The following CACFD1 variants were observed in gnomAD, a reference collection of about 807,000 sequenced individuals.
The protein encoded by CACFD1 is calcium channel flower homolog.
In CACFD1, 26 loss-of-function variants were observed where a neutral mutation model predicts 21.3. The observed-to-expected ratio is 1.22, with a 90% CI of 0.89 to 1.69. CACFD1 has a LOEUF of 1.69. Among genes scored for constraint, CACFD1 ranks in the 40% most tolerant of loss-of-function variants. The probability of loss-of-function intolerance (pLI) is 0.00; values close to 1 mark genes in which losing one functional copy is unlikely to be tolerated. For synonymous variants in CACFD1, 121 were observed against 106.6 expected (o/e 1.13, Z -0.83); for missense variants, 265 against 236.2 (o/e 1.12, Z -0.80).
At position 133,468,240 on chromosome 9, in the gene CACFD1, G is replaced by A. The variant is rs972457151; in HGVS notation, c.428+212G>A. ...GCGTGGCCCAGTCTTGCCCCGTCACGGCCTGCAGCAAGGATAGCAAAAACA... is the reference window on the plus strand; with the variant it reads ...GCGTGGCCCAGTCTTGCCCCGTCACAGCCTGCAGCAAGGATAGCAAAAACA... On this transcript the variant is annotated intron_variant, in intron 4 of 4. Transcript: ENST00000316948. The A allele has an allele frequency of 4.3e-5, 60 of 1,397,402 alleles. No individual in the cohort carries two copies. In the African/African-American group the frequency reaches 4.5e-4, roughly 10 times the overall value. 86.6% of individuals were successfully genotyped at this position (1,397,402 alleles called of 1,614,324 possible).
At chr9:133,460,471 C>CGACGGG (rs781943009) in intron 1 of CACFD1, among the ~76,000 whole-genome samples, 1 of 125,818 alleles carries the variant, frequency 7.9e-6, no homozygotes, top group Non-Finnish European at 1.8e-5. Context: ...GGCGGGGGGG[C>CGACGGG]GGCGGGGGCG....
chr9:133,467,286 G>A (rs1481545197), intron 3 of CACFD1, among the ~76,000 whole-genome samples: 1 of 152,174 alleles, frequency 6.6e-6, no homozygotes, highest in Non-Finnish European at 1.5e-5. Context: ...CCCCGGGGAC[G>A]CTTAAGCCCC....
intron 1 of CACFD1, 116 bp downstream of exon 1, chr9:133,460,303 C>T (rs1554798092): frequency 5.1e-6 from 5 of 976,952 alleles, no homozygotes; most frequent in Admixed American, 8.6e-5. Flanking sequence ...GGTCGGGGGT[C>T]TGCCGGGCGC....
intron 1 of CACFD1, 35 bp from the exon 2 acceptor site, chr9:133,463,433 GGGCTCCGCCTGCCTC>G: frequency 6.2e-7 from 1 of 1,612,756 alleles, no homozygotes; most frequent in Non-Finnish European, 8.5e-7. Flanking sequence ...CCTTCCCAGC[GGGCTCCGCCTGCCTC>G]CCTGCTGACT....
In CACFD1 at chr9:133,468,756, T is replaced by C; in HGVS notation, c.*103T>C. ...GAGGCACAGCCTGGAGAGGGGCCTT[T>C]GCACGTGTCCCTACACCTGGAGTCC... On this transcript the variant is annotated 3_prime_UTR_variant, in exon 5 of 5. Coordinates refer to ENST00000316948, the MANE Select transcript of CACFD1 (RefSeq NM_017586.5). 6.9e-7 allele frequency: 1 copy of C among 1,446,958 alleles called. No homozygotes were observed. Among genetic ancestry groups the C allele is most frequent in the East Asian group, 2.5e-5 (1 of 40,010 alleles). The allele number at this position is 1,446,958 out of a possible 1,614,324, so 89.6% of individuals were successfully genotyped here.
At chr9:133,461,975 G>C in intron 1 of CACFD1, 2 of 985,384 alleles carry the variant, frequency 2.0e-6, no homozygotes, top group Non-Finnish European at 2.4e-6. Flanking sequence ...AGCATCTGGA[G>C]GTGATACCTT....
chr9:133,468,123 C>T, intron 4 of CACFD1, 95 bp downstream of exon 4: 1 of 1,130,272 alleles, frequency 8.8e-7, no homozygotes, highest in Non-Finnish European at 1.3e-6. Flanking sequence ...CCCCTTTTAG[C>T]TAGTGGAGAC....
At chr9:133,461,061 C>G (rs931244790) in intron 1 of CACFD1, among the ~76,000 whole-genome samples, 8 of 152,244 alleles carry the variant, frequency 5.3e-5, no homozygotes, top group Admixed American at 6.5e-5. Context: ...CCTGTCTGCC[C>G]TCAATCTTGT....
At chr9:133,468,327 C>T in intron 4 of CACFD1, 3 of 1,534,134 alleles carry the variant, frequency 2.0e-6, no homozygotes, top group Non-Finnish European at 2.6e-6. Context: ...AGTTGCCACC[C>T]TCTCTCCTGC....
chr9:133,463,355 G>A, intron 1 of CACFD1, 128 bp from the exon 2 acceptor site: 2 of 1,546,292 alleles, frequency 1.3e-6, no homozygotes, highest in Non-Finnish European at 1.7e-6. Flanking sequence ...AGGCTTCTGG[G>A]TGCTGTGAGA....
rs1554801070 is a variant in CACFD1 at position 133,470,688 on chromosome 9, T to G, written c.*2035T>G. The G allele has an allele frequency of 6.6e-6, 1 of 152,546 alleles. No homozygotes were observed. Among genetic ancestry groups the G allele is most frequent in the East Asian group, 1.9e-4 (1 of 5,198 alleles). The allele number at this position is 152,546 out of a possible 1,614,324, so 9.4% of individuals were successfully genotyped here. On this transcript the variant is annotated 3_prime_UTR_variant, in exon 5 of 5. Coordinates refer to ENST00000316948, the MANE Select transcript of CACFD1 (RefSeq NM_017586.5). Reference sequence around the variant, plus strand: ...GCTCCTGCCTGGTCTGGGCTGTGTGTGGCGCCCTTTCCTCCTTGTTTGTTC... The same window carrying G: ...GCTCCTGCCTGGTCTGGGCTGTGTGGGGCGCCCTTTCCTCCTTGTTTGTTC...
At chr9:133,467,447 C>G (rs936870293) in intron 3 of CACFD1, among the ~76,000 whole-genome samples, 2 of 152,354 alleles carry the variant, frequency 1.3e-5, no homozygotes, top group East Asian at 3.9e-4. Flanking sequence ...GCTGGTGTTA[C>G]TCTATAACTC....
At chr9:133,460,784 T>C (rs1554798347) in intron 1 of CACFD1, among the ~76,000 whole-genome samples, 2 of 152,138 alleles carry the variant, frequency 1.3e-5, no homozygotes. Context: ...GGCAGTGAGC[T>C]GAGGGCCCGG....
Position 133,469,148 on chromosome 9 carries a change from T to C in CACFD1, c.*495T>C, listed in dbSNP as rs1843570568. The C allele has an allele frequency of 6.2e-6, 1 of 162,532 alleles. No individual in the cohort carries two copies. Among genetic ancestry groups the C allele is most frequent in the Admixed American group, 6.2e-5 (1 of 16,012 alleles). The allele number at this position is 162,532 out of a possible 1,614,324, so 10.1% of individuals were successfully genotyped here. A position where few individuals can be genotyped will look rare whatever the true frequency, so the allele number is the denominator to read the frequency against. ...GCTGCCTAGGGTGCAGCGCCCACTGTCACCCTGCCTTCTGAAGAAGCCCAC... is the reference window on the plus strand; with the variant it reads ...GCTGCCTAGGGTGCAGCGCCCACTGCCACCCTGCCTTCTGAAGAAGCCCAC... On this transcript the variant is annotated 3_prime_UTR_variant, in exon 5 of 5. Transcript: ENST00000316948.
At chr9:133,461,377 A>G (rs1411140104) in intron 1 of CACFD1, among the ~76,000 whole-genome samples, 1 of 152,224 alleles carries the variant, frequency 6.6e-6, no homozygotes, top group Non-Finnish European at 1.5e-5. Flanking sequence ...AATCACAAAA[A>G]GGCCCCGAGT....
At position 133,460,071 on chromosome 9, in the gene CACFD1, G is replaced by A. The variant is rs376963405; in HGVS notation, c.5G>A (p.Ser2Asn). 6.3e-5 allele frequency: 99 copies of A among 1,562,002 alleles called. No individual in the cohort carries two copies. In the African/African-American group the frequency reaches 1.3e-3, roughly 20 times the overall value. Residue 2 changes from serine (S) to asparagine (N), a missense_variant, in exon 1 of 5, where the codon AGC (serine) becomes AAC (asparagine). Coordinates refer to ENST00000316948, the MANE Select transcript of CACFD1 (RefSeq NM_017586.5). MSSSGGAPGASA... is the reference protein window; with the variant it reads MNSSGGAPGASA... ...GCTGCGCCTGACGGTGGCACCATGA[G>A]CAGCTCAGGTGGGGCGCCCGGGGCG...
chr9:133,467,565 C>A (rs1221272612), intron 3 of CACFD1, among the ~76,000 whole-genome samples: 1 of 152,200 alleles, frequency 6.6e-6, no homozygotes, highest in Admixed American at 6.5e-5. Context: ...GTAACTTGCC[C>A]GCGAAGCTAG....
chr9:133,461,982 C>A, intron 1 of CACFD1: 1 of 985,318 alleles, frequency 1.0e-6, no homozygotes, highest in Non-Finnish European at 1.2e-6. Flanking sequence ...GGAGGTGATA[C>A]CTTGGGAGGG....
chr9:133,465,344 C>T lies in CACFD1; in HGVS notation c.217C>T (p.Leu73=). ...CAGCATGAATGCCTTCATCTTGTTG[C>T]TGTGTGAGGCGCCCTTCTGCTGCCA... ...WMIMNAFILL[L]CEAPFCCQFI... The change falls in exon 3 of 5, where the codon CTG becomes TTG. Residue 73 remains leucine (L), a synonymous_variant. Coordinates refer to ENST00000316948, the MANE Select transcript of CACFD1 (RefSeq NM_017586.5). This position sits in a 1 kb window ranked among gnomAD's most constrained non-coding sequence, Gnocchi z 5.0. 6.2e-7 allele frequency: 1 copy of T among 1,614,058 alleles called. No homozygotes were observed. Among genetic ancestry groups the T allele is most frequent in the Non-Finnish European group, 8.5e-7 (1 of 1,179,960 alleles).
Sources: allele counts gnomAD v4.1 joint callset (sites outside exome capture counted in the v4.1 genomes callset), GRCh38; gene constraint gnomAD v4.1.1; non-coding constraint Gnocchi (gnomAD v3.1); transcripts MANE v1.5; gene names NCBI Gene and HGNC (gene_info 2026-07-23, HGNC 2026-07-21).